ADAMTS3: variants seen among roughly 807,000 people sequenced by gnomAD.
ADAMTS3 encodes the protein ADAM metallopeptidase with thrombospondin type 1 motif 3.
ADAMTS3 carries 73 observed loss-of-function variants against 129.0 expected under a neutral mutation model. The observed-to-expected ratio is 0.57, with a 90% CI of 0.47 to 0.69. The LOEUF is 0.69. Among genes scored for constraint, ADAMTS3 ranks in the 30% least tolerant of loss-of-function variants. ADAMTS3 has a pLI of 0.00. For synonymous variants in ADAMTS3, 477 were observed against 510.8 expected, an observed-to-expected ratio of 0.93 and a Z score of 0.89; for missense variants, 1,457 against 1,514.5, an observed-to-expected ratio of 0.96 and a Z score of 0.63.
intron 4 of ADAMTS3, among the ~76,000 whole-genome samples, chr4:72,367,535 G>A (rs1035279147): frequency 3.9e-5 from 6 of 152,028 alleles, no homozygotes; most frequent in African/African-American, 1.4e-4. Flanking sequence ...AGGGAAGAAA[G>A]AAGACATTTG....
intron 1 of ADAMTS3, among the ~76,000 whole-genome samples, chr4:72,567,795 T>C (rs1722054928): frequency 6.6e-6 from 1 of 152,250 alleles, no homozygotes; most frequent in Admixed American, 6.5e-5. Context: ...GACAATTCTC[T>C]ACTTTTTACC....
intron 3 of ADAMTS3, among the ~76,000 whole-genome samples, chr4:72,437,282 C>A (rs1486732184): frequency 3.3e-5 from 5 of 151,818 alleles, no homozygotes; most frequent in Non-Finnish European, 1.5e-5. Context: ...TGTTGTTCCA[C>A]AGACATAAAA....
chr4:72,383,086 G>A (rs1226681708), intron 4 of ADAMTS3, among the ~76,000 whole-genome samples: 1 of 151,364 alleles, frequency 6.6e-6, no homozygotes, highest in Non-Finnish European at 1.5e-5. Flanking sequence ...AGATTCTCCT[G>A]TTTCAAGAAG....
rs571240522 is a variant in ADAMTS3, at chr4:72,325,052, TA to T, written c.862-1956del. On this transcript the variant is annotated intron_variant, in intron 5 of 21. Coordinates refer to ENST00000286657, the MANE Select transcript of ADAMTS3 (RefSeq NM_014243.3). ...GAGTTAACTCATGCAAACAAATCGC[TA>T]AAAAATTTTATAAGTGAGAGGGAGG... Among the ~76,000 whole-genome samples, 685 of 152,068 alleles carry T rather than the reference TA, an allele frequency of 4.5e-3. 4 individuals carry two copies. The highest frequency in any genetic ancestry group is 0.016 in the African/African-American group (655 of 41,492).
chr4:72,441,969 A>T (rs1718130473), intron 3 of ADAMTS3: 1 of 151,798 alleles, frequency 6.6e-6, no homozygotes, highest in South Asian at 2.1e-4. Context: ...CTGCAACTCC[A>T]GCCATCATGT....
intron 5 of ADAMTS3, among the ~76,000 whole-genome samples, chr4:72,334,524 G>A (rs1389205905): frequency 6.6e-6 from 1 of 152,124 alleles, no homozygotes; most frequent in East Asian, 1.9e-4. Flanking sequence ...ACCAGGTCAG[G>A]AAATTAAAAA....
intron 3 of ADAMTS3, among the ~76,000 whole-genome samples, chr4:72,527,284 T>C (rs1022918839): frequency 6.6e-6 from 1 of 152,142 alleles, no homozygotes; most frequent in African/African-American, 2.4e-5. Flanking sequence ...AAACCTTCCT[T>C]GACCCTTAGC....
At chr4:72,440,684 C>T (rs759592202) in intron 3 of ADAMTS3, among the ~76,000 whole-genome samples, 1 of 151,740 alleles carries the variant, frequency 6.6e-6, no homozygotes, top group Non-Finnish European at 1.5e-5. Flanking sequence ...ACTTTTCCTT[C>T]TTCCAGTGAA....
intron 4 of ADAMTS3, among the ~76,000 whole-genome samples, chr4:72,345,020 T>C (rs1720242850): frequency 6.6e-6 from 1 of 152,164 alleles, no homozygotes; most frequent in East Asian, 1.9e-4. Context: ...CTCCCAGTAC[T>C]CTTTACTCCC....
chr4:72,292,667 T>C (rs1718705684), intron 19 of ADAMTS3, among the ~76,000 whole-genome samples: 1 of 152,220 alleles, frequency 6.6e-6, no homozygotes, highest in Non-Finnish European at 1.5e-5. Context: ...CACCATTGAC[T>C]CCATCTGGTT....
chr4:72,555,332 A>T (rs1721735202), intron 2 of ADAMTS3, among the ~76,000 whole-genome samples: 1 of 151,754 alleles, frequency 6.6e-6, no homozygotes, highest in Non-Finnish European at 1.5e-5. Flanking sequence ...TGCTCACAAG[A>T]CCTGGCTTAA....
Position 72,312,278 on chromosome 4 carries a change from C to T in ADAMTS3, c.1921+13G>A, listed in dbSNP as rs201157101. On this transcript the variant is annotated intron_variant, in intron 13 of 21. Transcript: ENST00000286657. ...CATCCACACAGCAGGAAGGAGAGCACGAGGCTACTCACGGTCAGGATGTTC... is the reference window on the plus strand; with the variant it reads ...CATCCACACAGCAGGAAGGAGAGCATGAGGCTACTCACGGTCAGGATGTTC... 1.4e-4 allele frequency: 218 copies of T among 1,613,062 alleles called. No homozygotes were observed. The highest frequency in any genetic ancestry group is 1.7e-4 in the Middle Eastern group (1 of 5,964).
intron 3 of ADAMTS3, among the ~76,000 whole-genome samples, chr4:72,437,231 A>C (rs923396245): frequency 5.9e-5 from 9 of 151,888 alleles, no homozygotes; most frequent in African/African-American, 1.9e-4. Flanking sequence ...AACGGAAATG[A>C]ACATTTTTAA....
chr4:72,545,625 C>T (rs1721445424), intron 3 of ADAMTS3, among the ~76,000 whole-genome samples: 1 of 152,080 alleles, frequency 6.6e-6, no homozygotes, highest in Admixed American at 6.6e-5. Context: ...AACATTGCTT[C>T]GGTCCTTTAT....
At position 72,339,645 on chromosome 4, in the gene ADAMTS3, A is replaced by T; in HGVS notation, c.710T>A (p.Ile237Asn). The T allele has an allele frequency of 6.2e-7, 1 of 1,613,860 alleles. No homozygotes were observed. ...LDDLGTVYGN[I>N]HQQLNETMRR... ...CATTGTTTCATTCAGCTGCTGGTGG[A>T]TGTTGCCATAAACAGTACCTAGATC... The change falls in exon 5 of 22, where the codon ATC becomes AAC. Residue 237 changes from isoleucine to asparagine, a missense_variant. Coordinates refer to ENST00000286657, the MANE Select transcript of ADAMTS3 (RefSeq NM_014243.3).
chr4:72,286,239 C>G lies in ADAMTS3; in HGVS notation c.3049+2512G>C, dbSNP rs533030677. 3.9e-5 allele frequency among the ~76,000 whole-genome samples: 6 copies of G among 152,324 alleles called. No homozygotes were observed. The South Asian group carries it at 1.2e-3, about 32-fold the overall frequency. ...CCAGCTCCAAGATCAATAAAGCTTA[C>G]TTACAAAGTGGCAGCCTCTTAACAG... On this transcript the variant is annotated intron_variant, in intron 21 of 21. Coordinates refer to ENST00000286657, the MANE Select transcript of ADAMTS3 (RefSeq NM_014243.3).
intron 3 of ADAMTS3, among the ~76,000 whole-genome samples, chr4:72,425,603 C>G (rs1722551436): frequency 6.6e-6 from 1 of 152,054 alleles, no homozygotes; most frequent in Non-Finnish European, 1.5e-5. Context: ...TTTGTCTTTG[C>G]AATAGTTTGC....
chr4:72,399,293 T>C (rs1210134763), intron 4 of ADAMTS3, among the ~76,000 whole-genome samples: 1 of 151,900 alleles, frequency 6.6e-6, no homozygotes, highest in Non-Finnish European at 1.5e-5. Flanking sequence ...ATTAGCTGAG[T>C]GTGGTGGTGC....
intron 3 of ADAMTS3, among the ~76,000 whole-genome samples, chr4:72,501,305 G>A (rs1720015614): frequency 1.3e-5 from 2 of 151,982 alleles, no homozygotes; most frequent in Admixed American, 1.3e-4. Flanking sequence ...GTATTTGATT[G>A]TTGTCCTTGT....
Sources: gnomAD v4.1 joint callset for allele counts (sites outside exome capture counted in the v4.1 genomes callset) on GRCh38, gnomAD v4.1.1 for gene constraint, MANE v1.5 for transcripts, NCBI Gene and HGNC (gene_info 2026-07-23, HGNC 2026-07-21) for gene names.